AMN1: variants seen among roughly 807,000 people sequenced by gnomAD.
AMN1 encodes antagonist of mitotic exit network 1 homolog.
AMN1 carries 20 observed loss-of-function variants against 33.0 expected under a neutral mutation model. The observed-to-expected ratio is 0.61, with a 90% CI of 0.43 to 0.88. AMN1 has a LOEUF of 0.88. Ranked by LOEUF, AMN1 falls within the 40% of genes least tolerant of loss-of-function variation. The pLI is 0.00. For synonymous variants in AMN1, 114 were observed against 111.9 expected (o/e 1.02, Z -0.12); for missense variants, 246 against 307.4 (o/e 0.80, Z 1.49).
intron 5 of AMN1, among the ~76,000 whole-genome samples, chr12:31,694,937 T>TACAAA (rs200140563): frequency 0.011 from 1,731 of 152,178 alleles, 29 homozygotes; most frequent in African/African-American, 0.037. Context: ...ACCCTGTCTC[T>TACAAA]ACAAAACAAA....
rs74796107 is a variant in AMN1, at chr12:31,694,866, A to G, written c.591+2495T>C. Reference sequence around the variant, plus strand: ...CACCTATAGTTCTAGCACTTTAGGAAGTCAAGACAGGAGGATCACTGAGGC... The same window carrying G: ...CACCTATAGTTCTAGCACTTTAGGAGGTCAAGACAGGAGGATCACTGAGGC... On this transcript the variant is annotated intron_variant, in intron 5 of 6. Transcript: ENST00000281471. Among the ~76,000 whole-genome samples, 1,274 of 152,144 alleles carry G rather than the reference A, an allele frequency of 8.4e-3. 18 individuals are homozygous for G. The highest frequency in any genetic ancestry group is 0.029 in the African/African-American group (1,202 of 41,522).
intron 2 of AMN1, 34 bp downstream of exon 2, chr12:31,709,259 A>C: frequency 6.2e-7 from 1 of 1,605,324 alleles, no homozygotes; most frequent in Non-Finnish European, 8.5e-7. Context: ...CAGAAAATAT[A>C]ATATGCTTGC....
At chr12:31,726,824 A>G (rs556993156) in intron 1 of AMN1, among the ~76,000 whole-genome samples, 1 of 152,242 alleles carries the variant, frequency 6.6e-6, no homozygotes, top group East Asian at 1.9e-4. Context: ...CTCTAGCATG[A>G]CAATGAAGAT....
chr12:31,685,659 G>C (rs145051472), intron 6 of AMN1, among the ~76,000 whole-genome samples: 2,266 of 152,058 alleles, frequency 0.015, 16 homozygotes, highest in Non-Finnish European at 0.022. Context: ...AAATTAGCCA[G>C]ACCTGGTGGC....
chr12:31,691,985 T>C (rs12316119), intron 5 of AMN1, among the ~76,000 whole-genome samples: 105,309 of 151,886 alleles, frequency 0.69, 37,225 homozygotes, highest in East Asian at 0.87. Flanking sequence ...TCAAGTGATT[T>C]TTCTGCCTCA....
At chr12:31,676,360 AG>A (rs1937695308) in intron 6 of AMN1, among the ~76,000 whole-genome samples, 1 of 151,616 alleles carries the variant, frequency 6.6e-6, no homozygotes, top group Admixed American at 6.5e-5. Context: ...CTGTAATCTC[AG>A]CACTTTGGGA....
chr12:31,726,192 G>T (rs1303930040), intron 1 of AMN1, among the ~76,000 whole-genome samples: 1 of 141,670 alleles, frequency 7.1e-6, no homozygotes, highest in East Asian at 2.1e-4. Context: ...ACGGAGTTTC[G>T]CTCTTGTTGC....
chr12:31,709,389 A>G lies in AMN1; in HGVS notation c.75T>C (p.Tyr25=). 6.2e-7 allele frequency: 1 copy of G among 1,613,842 alleles called. No individual in the cohort carries two copies. Among genetic ancestry groups the G allele is most frequent in the Non-Finnish European group, 8.5e-7 (1 of 1,179,798 alleles). The change falls in exon 2 of 7, where the codon TAT becomes TAC. Residue 25 remains tyrosine (Y), a synonymous_variant. Coordinates refer to ENST00000281471, the MANE Select transcript of AMN1 (RefSeq NM_001113402.2). ...LWCFMKNISR[Y]LTDIKPLPPN... ...GAGGCAAAGGCTTAATGTCTGTGAGATATCTGGAAATATTCTTCATGAAGC... is the reference window on the plus strand; with the variant it reads ...GAGGCAAAGGCTTAATGTCTGTGAGGTATCTGGAAATATTCTTCATGAAGC...
At chr12:31,690,260 T>C (rs545791101) in intron 5 of AMN1, among the ~76,000 whole-genome samples, 48 of 152,356 alleles carry the variant, frequency 3.2e-4, no homozygotes, top group South Asian at 1.4e-3. Flanking sequence ...CTTTTTTCTC[T>C]GGGTAGACAC....
intron 3 of AMN1, among the ~76,000 whole-genome samples, chr12:31,698,172 T>C (rs1188899787): frequency 6.6e-6 from 1 of 152,254 alleles, no homozygotes; most frequent in South Asian, 2.1e-4. Flanking sequence ...CTGTAGTATC[T>C]GCAATTAATG....
chr12:31,684,083 G>A lies in AMN1; in HGVS notation c.703+4924C>T, dbSNP rs551279822. The stretch of plus-strand genomic sequence containing the variant: ...ATTTAAAAGATCTATATAACTCAGA[G>A]AACCAATATTTTCCGAACTGCCAAT... On this transcript the variant is annotated intron_variant, in intron 6 of 6. Coordinates refer to ENST00000281471, the MANE Select transcript of AMN1 (RefSeq NM_001113402.2). 1.1e-4 allele frequency among the ~76,000 whole-genome samples: 16 copies of A among 152,236 alleles called. No homozygotes were observed. The South Asian group carries it at 3.3e-3, about 32-fold the overall frequency.
At chr12:31,725,194 T>C (rs1011088772) in intron 1 of AMN1, among the ~76,000 whole-genome samples, 1 of 152,216 alleles carries the variant, frequency 6.6e-6, no homozygotes, top group African/African-American at 2.4e-5. Flanking sequence ...ATAAACATAA[T>C]GTTTGTCCTA....
chr12:31,709,574 T>TG, intron 1 of AMN1, 149 bp from the exon 2 acceptor site: 1 of 935,558 alleles, frequency 1.1e-6, no homozygotes, highest in South Asian at 1.9e-5. Flanking sequence ...ATCCCAACAC[T>TG]TTGGGAAGCC....
At chr12:31,675,114 C>T (rs1018190332) in intron 6 of AMN1, among the ~76,000 whole-genome samples, 3 of 149,032 alleles carry the variant, frequency 2.0e-5, no homozygotes, top group East Asian at 1.9e-4. Flanking sequence ...TGATAAAGGG[C>T]GTCTATGAAA....
intron 1 of AMN1, among the ~76,000 whole-genome samples, chr12:31,716,179 T>G (rs1171745989): frequency 6.6e-6 from 1 of 152,238 alleles, no homozygotes. Flanking sequence ...TAGCTATAGA[T>G]TATTCATTTC....
intron 5 of AMN1, among the ~76,000 whole-genome samples, chr12:31,690,380 T>C (rs1276878844): frequency 1.3e-5 from 2 of 152,224 alleles, no homozygotes; most frequent in Non-Finnish European, 2.9e-5. Context: ...ACCAGCAGTG[T>C]AGAAGTGTTC....
At chr12:31,714,790 C>T in intron 1 of AMN1, 2 of 377,000 alleles carry the variant, frequency 5.3e-6, no homozygotes, top group Non-Finnish European at 7.3e-6. Flanking sequence ...AAAGCAGAGA[C>T]TTTGCAGTAA....
At chr12:31,690,298 G>A (rs1477990155) in intron 5 of AMN1, among the ~76,000 whole-genome samples, 1 of 152,172 alleles carries the variant, frequency 6.6e-6, no homozygotes, top group Non-Finnish European at 1.5e-5. Context: ...GGATCAAATG[G>A]TACTTCTACT....
chr12:31,711,365 G>T lies in AMN1; in HGVS notation c.39-1940C>A, dbSNP rs145526878. Among the ~76,000 whole-genome samples, 464 of 151,882 alleles carry T rather than the reference G, an allele frequency of 3.1e-3. 1 individual carries two copies. The highest frequency in any genetic ancestry group is 5.3e-3 in the Non-Finnish European group (358 of 67,982). On this transcript the variant is annotated intron_variant, in intron 1 of 6. Transcript: ENST00000281471. Reference sequence around the variant, plus strand: ...TTTCTAATTTATAAACATGGGACTTGTCATAGATTTGTTTAGTTTTTCACT... The same window carrying T: ...TTTCTAATTTATAAACATGGGACTTTTCATAGATTTGTTTAGTTTTTCACT...
Sources: gnomAD v4.1 joint callset for allele counts (sites outside exome capture counted in the v4.1 genomes callset) on GRCh38, gnomAD v4.1.1 for gene constraint, MANE v1.5 for transcripts, NCBI Gene and HGNC (gene_info 2026-07-23, HGNC 2026-07-21) for gene names.